KDM2B: variants seen among roughly 807,000 people sequenced by gnomAD.
KDM2B encodes the protein lysine demethylase 2B.
Under a neutral mutation model 150.0 loss-of-function variants are expected in KDM2B, and 26 were observed. The observed-to-expected ratio is 0.17, with a 90% CI of 0.13 to 0.24. The LOEUF is 0.24. Among genes scored for constraint, KDM2B ranks in the 10% least tolerant of loss-of-function variants. The pLI, the probability that KDM2B is intolerant of heterozygous loss-of-function variation, is 1.00. For missense variants in KDM2B, 1,265 were observed against 1,816.9 expected (o/e 0.70, Z 5.52); for synonymous variants, 734 against 729.5 (o/e 1.01, Z -0.10).
At chr12:121,562,264 C>T (rs984849858) in intron 4 of KDM2B, among the ~76,000 whole-genome samples, 20 of 151,462 alleles carry the variant, frequency 1.3e-4, no homozygotes, top group African/African-American at 4.4e-4. Flanking sequence ...GAACAGATCA[C>T]CTGAGGCCAG....
At chr12:121,529,223 T>TA (rs1346380606) in intron 8 of KDM2B, among the ~76,000 whole-genome samples, 3 of 152,068 alleles carry the variant, frequency 2.0e-5, no homozygotes, top group Admixed American at 6.6e-5. Flanking sequence ...AATTAAAAAT[T>TA]AAAAAATCAC....
chr12:121,429,856 A>C lies in KDM2B; in HGVS notation c.*432T>G, dbSNP rs1872737227. 1 of 524,748 alleles carries C rather than the reference A, an allele frequency of 1.9e-6. No homozygotes were observed. Among genetic ancestry groups the C allele is most frequent in the Non-Finnish European group, 3.4e-6 (1 of 289,940 alleles). 32.5% of individuals were successfully genotyped at this position (524,748 alleles called of 1,614,324 possible). On this transcript the variant is annotated 3_prime_UTR_variant, in exon 23 of 23. Coordinates refer to ENST00000377071, the MANE Select transcript of KDM2B (RefSeq NM_032590.5). ...TAAGATGTAACAAAACCAACCAAACAAAAAAAAGTGTCAAGACGGCAGCAG... is the reference window on the plus strand; with the variant it reads ...TAAGATGTAACAAAACCAACCAAACCAAAAAAAGTGTCAAGACGGCAGCAG...
chr12:121,572,406 T>G (rs1891165046), intron 4 of KDM2B, among the ~76,000 whole-genome samples: 1 of 152,112 alleles, frequency 6.6e-6, no homozygotes, highest in South Asian at 2.1e-4. Flanking sequence ...ACTTTCTCAC[T>G]CACTCACTCA....
intron 12 of KDM2B, among the ~76,000 whole-genome samples, chr12:121,471,211 T>A (rs1880736739): frequency 6.6e-6 from 1 of 152,150 alleles, no homozygotes; most frequent in Non-Finnish European, 1.5e-5. Flanking sequence ...TGACCTCATC[T>A]TCTAGCGACC....
Position 121,534,599 on chromosome 12 carries a change from CA to C in KDM2B, c.684-10del. Reference sequence around the variant, plus strand: ...CGCTCATCAGACAGTACCTGCAACACAGAGGCAGGGAGACAGAACACAAGTC... The same window carrying C: ...CGCTCATCAGACAGTACCTGCAACACGAGGCAGGGAGACAGAACACAAGTC... On this transcript the variant is annotated splice_polypyrimidine_tract_variant and intron_variant, in intron 6 of 22. Transcript: ENST00000377071. The C allele has an allele frequency of 6.2e-7, 1 of 1,600,930 alleles. No homozygotes were observed. Among genetic ancestry groups the C allele is most frequent in the Non-Finnish European group, 8.6e-7 (1 of 1,167,934 alleles).
chr12:121,580,694 C>A, intron 1 of KDM2B, 92 bp downstream of exon 1: 2 of 1,467,686 alleles, frequency 1.4e-6, no homozygotes, highest in South Asian at 1.4e-5. Flanking sequence ...GGCCTGGCAC[C>A]CCCAAAAACG....
the KDM2B span, among the ~76,000 whole-genome samples, chr12:121,415,840 CT>C: frequency 0.021 from 2,217 of 108,050 alleles, 49 homozygotes; most frequent in East Asian, 0.17. Flanking sequence ...TTTGTCCAGT[CT>C]TTTTTTTTTT....
Position 121,453,053 on chromosome 12 carries a change from G to A in KDM2B, c.1959+67C>T. 1 of 1,360,262 alleles carries A rather than the reference G, an allele frequency of 7.4e-7. No individual in the cohort carries two copies. Among genetic ancestry groups the A allele is most frequent in the South Asian group, 1.4e-5 (1 of 72,368 alleles). 84.3% of individuals were successfully genotyped at this position (1,360,262 alleles called of 1,614,324 possible). A position where few individuals can be genotyped will look rare whatever the true frequency, so the allele number is the denominator to read the frequency against. On this transcript the variant is annotated intron_variant, in intron 13 of 22. Coordinates refer to ENST00000377071, the MANE Select transcript of KDM2B (RefSeq NM_032590.5). The surrounding 1 kb of genome is among the most constrained non-coding windows in gnomAD (Gnocchi z 6.4). ...GGAGGGGCGGCCAGAGCGAGCAGCG[G>A]TCAGACACGCGGGCCGGCACGCAGG...
chr12:121,420,617 C>T, the KDM2B span: 2 of 1,614,174 alleles, frequency 1.2e-6, no homozygotes, highest in South Asian at 2.2e-5. Context: ...GCTTCACTGT[C>T]TGACTTGTCA....
At chr12:121,469,842 A>G (rs1438287390) in intron 12 of KDM2B, 3 of 152,238 alleles carry the variant, frequency 2.0e-5, no homozygotes, top group Admixed American at 6.6e-5. Context: ...CACACCTGTA[A>G]TCCCAGCACT....
At position 121,549,387 on chromosome 12, in the gene KDM2B, C is replaced by G. The variant is rs1889312010; in HGVS notation, c.576+73G>C. The G allele has an allele frequency of 2.8e-6, 4 of 1,419,702 alleles. No homozygotes were observed. The allele number at this position is 1,419,702 out of a possible 1,614,324, so 87.9% of individuals were successfully genotyped here. On this transcript the variant is annotated intron_variant, in intron 5 of 22. Transcript: ENST00000377071. This position sits in a 1 kb window ranked among gnomAD's most constrained non-coding sequence, Gnocchi z 4.4. ...CATGAGCCTTTTTGCAAGGCACAAC[C>G]CAGGTGGCAGGGGGACAGGGAAGGA...
chr12:121,501,198 G>A (rs1884511342), intron 11 of KDM2B, among the ~76,000 whole-genome samples: 3 of 151,660 alleles, frequency 2.0e-5, no homozygotes, highest in Non-Finnish European at 2.9e-5. Flanking sequence ...TTTGGACAGA[G>A]ACACAAAGAA....
chr12:121,509,206 A>G (rs1885362268), intron 11 of KDM2B, among the ~76,000 whole-genome samples: 1 of 150,868 alleles, frequency 6.6e-6, no homozygotes, highest in Non-Finnish European at 1.5e-5. Flanking sequence ...CTACAGGCAT[A>G]CGCCACCAGG....
rs1318006126 is a variant in KDM2B at position 121,512,931 on chromosome 12, CA to C, written c.1174+344del. ...CAACCTCCAGTGCAGGAGGAAAAAT[CA>C]GCTGGTGTCCACGGAAGAGCCAAAA... On this transcript the variant is annotated intron_variant, in intron 10 of 22. Coordinates refer to ENST00000377071, the MANE Select transcript of KDM2B (RefSeq NM_032590.5). Among the ~76,000 whole-genome samples, 21 of 152,364 alleles carry C rather than the reference CA, an allele frequency of 1.4e-4. 1 individual carries two copies. Among genetic ancestry groups the C allele is most frequent in the Admixed American group, 1.4e-3 (21 of 15,304 alleles).
At chr12:121,417,874 A>T in the KDM2B span, 1 of 1,614,046 alleles carries the variant, frequency 6.2e-7, no homozygotes, top group African/African-American at 1.3e-5. This position sits in a 1 kb window ranked among gnomAD's most constrained non-coding sequence, Gnocchi z 5.0. Context: ...GAGCTTATGG[A>T]TGGAGACCAA....
chr12:121,569,631 C>T (rs1457649604), intron 4 of KDM2B, among the ~76,000 whole-genome samples: 1 of 152,142 alleles, frequency 6.6e-6, no homozygotes, highest in African/African-American at 2.4e-5. Flanking sequence ...TATCACCACT[C>T]TCTGGAAGCC....
the KDM2B span, chr12:121,418,039 C>T: frequency 4.0e-6 from 4 of 991,688 alleles, no homozygotes; most frequent in Non-Finnish European, 4.5e-6. Context: ...GCTTCCACAC[C>T]CAGCTGAACT....
At chr12:121,563,738 G>T (rs781926937) in intron 4 of KDM2B, among the ~76,000 whole-genome samples, 18 of 151,998 alleles carry the variant, frequency 1.2e-4, no homozygotes, top group Non-Finnish European at 1.9e-4. Context: ...GGCCAACGTG[G>T]TGAAACTCCG....
the KDM2B span, chr12:121,420,017 T>C: frequency 4.4e-6 from 2 of 453,224 alleles, no homozygotes; most frequent in Non-Finnish European, 8.2e-6. Flanking sequence ...TTTATAACTT[T>C]ACACACACAC....
Sources: gnomAD v4.1 joint callset for allele counts (sites outside exome capture counted in the v4.1 genomes callset) on GRCh38, gnomAD v4.1.1 for gene constraint, Gnocchi (gnomAD v3.1) non-coding constraint, MANE v1.5 for transcripts, NCBI Gene and HGNC (gene_info 2026-07-23, HGNC 2026-07-21) for gene names.